The following SHQ1 variants were observed in gnomAD, a reference collection of about 807,000 sequenced individuals.
SHQ1 encodes the protein protein SHQ1 homolog.
A neutral mutation model predicts 53.8 loss-of-function variants in SHQ1; 49 were observed. That is an observed-to-expected ratio of 0.91 (90% CI 0.72 to 1.16). SHQ1 has a LOEUF of 1.16. Among genes scored for constraint, SHQ1 ranks in the 50% most tolerant of loss-of-function variants. SHQ1 has a pLI of 0.00. For missense variants in SHQ1, 738 were observed against 683.1 expected (o/e 1.08, Z -0.90); for synonymous variants, 243 against 251.0 (o/e 0.97, Z 0.30).
chr3:72,796,928 TAAAAAA>T (rs60237295), intron 9 of SHQ1, among the ~76,000 whole-genome samples: 2,258 of 119,858 alleles, frequency 0.019, 58 homozygotes, highest in African/African-American at 0.064. Context: ...CCTATTTTCT[TAAAAAA>T]AAAAAAAAAA....
chr3:72,755,810 C>T (rs570500385), intron 10 of SHQ1, among the ~76,000 whole-genome samples: 1 of 152,150 alleles, frequency 6.6e-6, no homozygotes, highest in African/African-American at 2.4e-5. Flanking sequence ...TTTTCTCTGT[C>T]GTACTCAAAA....
At chr3:72,834,411 T>C (rs575726090) in intron 4 of SHQ1, among the ~76,000 whole-genome samples, 1 of 152,198 alleles carries the variant, frequency 6.6e-6, no homozygotes, top group African/African-American at 2.4e-5. Context: ...GCACCTGTAA[T>C]CCCAGCTACT....
At chr3:72,842,771 T>C (rs78342249) in intron 2 of SHQ1, among the ~76,000 whole-genome samples, 3,157 of 152,264 alleles carry the variant, frequency 0.021, 99 homozygotes, top group African/African-American at 0.07. Context: ...GAAGCTGTCA[T>C]TTCTATCAAA....
At chr3:72,772,948 G>T in intron 10 of SHQ1, 1 of 998,756 alleles carries the variant, frequency 1.0e-6, no homozygotes, top group Non-Finnish European at 1.6e-6. Flanking sequence ...AGAATCGGAA[G>T]AAAAACAAAA....
intron 4 of SHQ1, among the ~76,000 whole-genome samples, chr3:72,836,601 G>A (rs1708005684): frequency 6.6e-6 from 1 of 152,150 alleles, no homozygotes; most frequent in Non-Finnish European, 1.5e-5. Context: ...TGAGTGTTCA[G>A]AGCAGTGCAA....
intron 4 of SHQ1, among the ~76,000 whole-genome samples, chr3:72,839,181 T>C (rs1708086409): frequency 6.6e-6 from 1 of 152,192 alleles, no homozygotes; most frequent in Admixed American, 6.5e-5. Context: ...ACTTAGCCTG[T>C]GTGACATTTA....
chr3:72,778,521 C>G (rs548424370), intron 10 of SHQ1, among the ~76,000 whole-genome samples: 198 of 152,154 alleles, frequency 1.3e-3, no homozygotes, highest in African/African-American at 4.5e-3. Context: ...CAGTTCATTA[C>G]TATTCTTTCA....
At chr3:72,775,177 C>A in intron 10 of SHQ1, among the ~76,000 whole-genome samples, 1 of 151,370 alleles carries the variant, frequency 6.6e-6, no homozygotes, top group East Asian at 1.9e-4. Flanking sequence ...TACCCTCTTA[C>A]AAAAATAATT....
At chr3:72,844,532 G>C in intron 1 of SHQ1, 109 bp from the exon 2 acceptor site, 2 of 846,078 alleles carry the variant, frequency 2.4e-6, no homozygotes, top group Non-Finnish European at 4.0e-6. Flanking sequence ...CATTTTTTAA[G>C]AAGTTCCTCA....
chr3:72,832,009 T>A (rs1346587370), intron 5 of SHQ1, among the ~76,000 whole-genome samples: 1 of 152,212 alleles, frequency 6.6e-6, no homozygotes, highest in Non-Finnish European at 1.5e-5. Context: ...CTTAAAGAAA[T>A]TGAAACATAT....
At chr3:72,768,431 G>A (rs1705778437) in intron 10 of SHQ1, among the ~76,000 whole-genome samples, 1 of 152,178 alleles carries the variant, frequency 6.6e-6, no homozygotes, top group African/African-American at 2.4e-5. Context: ...GCGGAGAAGA[G>A]CTGCCATCAG....
intron 10 of SHQ1, chr3:72,773,070 G>A: frequency 1.2e-6 from 1 of 851,680 alleles, no homozygotes; most frequent in Non-Finnish European, 2.0e-6. Context: ...TGTTCTCTAA[G>A]TACTCGGAAA....
In SHQ1 at chr3:72,780,042, C is replaced by A. The variant is rs117259729; in HGVS notation, c.1181+12874G>T. Among the ~76,000 whole-genome samples the A allele has an allele frequency of 2.4e-4, 36 of 152,272 alleles. 2 individuals are homozygous for A. The East Asian group carries it at 6.9e-3, about 29-fold the overall frequency. On this transcript the variant is annotated intron_variant, in intron 10 of 10. Transcript: ENST00000325599. ...CTTGAGGCCAGGAGTTCGAGACCAG[C>A]CTGAGCAACACAGCAAGACCCTGCC...
In SHQ1 at chr3:72,846,080, T is replaced by G. The variant is rs1051226100; in HGVS notation, c.144-1657A>C. ...AAGCGTTACTATGAGCATGAAATGA[T>G]AATGCAAAGAGCTTAGTGGCCGGCA... On this transcript the variant is annotated intron_variant, in intron 1 of 10. Coordinates refer to ENST00000325599, the MANE Select transcript of SHQ1 (RefSeq NM_018130.3). The G allele has an allele frequency of 3.8e-6, 3 of 790,612 alleles. No individual in the cohort carries two copies. In the African/African-American group the frequency reaches 5.2e-5, roughly 14 times the overall value. 49.0% of individuals were successfully genotyped at this position (790,612 alleles called of 1,614,324 possible). A position where few individuals can be genotyped will look rare whatever the true frequency, so the allele number is the denominator to read the frequency against.
At chr3:72,761,906 C>T (rs942277767) in intron 10 of SHQ1, among the ~76,000 whole-genome samples, 3 of 152,244 alleles carry the variant, frequency 2.0e-5, no homozygotes, top group East Asian at 1.9e-4. Flanking sequence ...TTACTTTAAT[C>T]GTCAAACGAT....
At chr3:72,765,530 C>CATATATATATATATATATATATATAT (rs10551107) in intron 10 of SHQ1, among the ~76,000 whole-genome samples, 12 of 83,502 alleles carry the variant, frequency 1.4e-4, no homozygotes, top group African/African-American at 6.2e-4. Context: ...ATTCACATGA[C>CATATATATATATATATATATATATAT]ATATATATAT....
chr3:72,812,577 T>C, intron 9 of SHQ1, 94 bp downstream of exon 9: 2 of 1,374,044 alleles, frequency 1.5e-6, no homozygotes, highest in East Asian at 2.3e-5. Flanking sequence ...CTTATTTATA[T>C]ACAGTAAAAA....
chr3:72,772,615 G>A, intron 10 of SHQ1: 1 of 703,168 alleles, frequency 1.4e-6, no homozygotes, highest in Non-Finnish European at 2.7e-6. Context: ...CTTAGGACTT[G>A]CATATATTAT....
In SHQ1 at chr3:72,750,450, C is replaced by T. The variant is rs777643773; in HGVS notation, c.1568G>A (p.Gly523Glu). 1.9e-6 allele frequency: 3 copies of T among 1,614,190 alleles called. No homozygotes were observed. The Admixed American group carries it at 5.0e-5, about 27-fold the overall frequency. ...TAIQESDASQ[G>E]KPLASSWPLG... ...AGGCCAGGAAGAGGCAAGTGGCTTT[C>T]CCTGACTGGCATCAGACTCCTGGAT... The change falls in exon 11 of 11, where the codon GGA becomes GAA. Residue 523 changes from glycine to glutamate, a missense_variant. Transcript: ENST00000325599.
Sources: allele counts gnomAD v4.1 joint callset (sites outside exome capture counted in the v4.1 genomes callset), GRCh38; gene constraint gnomAD v4.1.1; transcripts MANE v1.5; gene names NCBI Gene and HGNC (gene_info 2026-07-23, HGNC 2026-07-21).